The following PRRG1 variants were observed in gnomAD, a reference collection of about 807,000 sequenced individuals.
PRRG1 encodes the protein transmembrane gamma-carboxyglutamic acid protein 1.
Under a neutral mutation model 11.8 loss-of-function variants are expected in PRRG1, and 5 were observed. That is an observed-to-expected ratio of 0.42 (90% confidence interval 0.22 to 0.89). The LOEUF is 0.89. Among genes scored for constraint, PRRG1 ranks in the 40% least tolerant of loss-of-function variants. The pLI, the probability that PRRG1 is intolerant of heterozygous loss-of-function variation, is 0.28. For synonymous variants in PRRG1, 66 were observed against 60.4 expected (o/e 1.09, Z -0.43); for missense variants, 155 against 166.1 (o/e 0.93, Z 0.37).
chrX:37,406,999 G>A (rs1428690685), intron 2 of PRRG1, among the ~76,000 whole-genome samples: 1 of 112,266 alleles, frequency 8.9e-6, no homozygotes, highest in Admixed American at 9.4e-5. Context: ...GAAGTTTGGG[G>A]ATCACTCGAA....
chrX:37,378,323 G>A (rs782436813), intron 1 of PRRG1, among the ~76,000 whole-genome samples: 4 of 111,704 alleles, frequency 3.6e-5, no homozygotes, highest in Non-Finnish European at 7.6e-5. Context: ...TCTATGTTTC[G>A]TTGTATCTGT....
intron 1 of PRRG1, among the ~76,000 whole-genome samples, chrX:37,359,890 A>G (rs1169676601): frequency 8.9e-6 from 1 of 111,952 alleles, no homozygotes; most frequent in Non-Finnish European, 1.9e-5. Context: ...GAATTGGTCC[A>G]TTTCAAGGAA....
intron 2 of PRRG1, among the ~76,000 whole-genome samples, chrX:37,415,298 C>T (rs1932464732): frequency 9.0e-6 from 1 of 111,251 alleles, no homozygotes; most frequent in South Asian, 3.8e-4. Flanking sequence ...GTACCAGCTG[C>T]TCAGGAGGCT....
chrX:37,410,057 A>AT (rs1556383355), intron 2 of PRRG1, among the ~76,000 whole-genome samples: 1 of 111,917 alleles, frequency 8.9e-6, no homozygotes, highest in Non-Finnish European at 1.9e-5. Context: ...TGTATATTTA[A>AT]TTTTTTATTA....
At chrX:37,402,543 T>A (rs1377578690) in intron 1 of PRRG1, among the ~76,000 whole-genome samples, 1 of 111,618 alleles carries the variant, frequency 9.0e-6, no homozygotes, top group Non-Finnish European at 1.9e-5. Context: ...GAAGAAAACC[T>A]AGGCATTACC....
intron 1 of PRRG1, among the ~76,000 whole-genome samples, chrX:37,372,157 A>G (rs1284230442): frequency 2.7e-5 from 3 of 112,149 alleles, no homozygotes; most frequent in Admixed American, 9.4e-5. Flanking sequence ...TACTGTTTTG[A>G]TAAGTGCTGT....
chrX:37,400,824 T>A (rs1931945754), intron 1 of PRRG1, among the ~76,000 whole-genome samples: 1 of 111,492 alleles, frequency 9.0e-6, no homozygotes, highest in African/African-American at 3.3e-5. Flanking sequence ...CCCACAGAAA[T>A]ACAAACTACC....
chrX:37,408,040 C>T (rs1556382518), intron 2 of PRRG1, among the ~76,000 whole-genome samples: 4 of 111,960 alleles, frequency 3.6e-5, no homozygotes, highest in Non-Finnish European at 3.8e-5. Context: ...CTGATGGTTT[C>T]GAAATTTTAA....
intron 3 of PRRG1, among the ~76,000 whole-genome samples, chrX:37,439,989 G>A (rs1932946964): frequency 3.7e-5 from 4 of 108,748 alleles, no homozygotes; most frequent in South Asian, 8.3e-4. Context: ...TGGTAGAGTC[G>A]GGGTTTCACC....
rs568511366 is a variant in PRRG1, at chrX:37,354,452, G to A, written c.-42+5057G>A. ...CTGTCGCCCAGGCTGGAGTGCAGTG[G>A]CATGATCTCGGCTCACTGCAAGCTC... On this transcript the variant is annotated intron_variant, in intron 1 of 3. Coordinates refer to ENST00000378628, the MANE Select transcript of PRRG1 (RefSeq NM_001142395.2). 9.9e-4 allele frequency among the ~76,000 whole-genome samples: 106 copies of A among 107,547 alleles called. 1 individual carries two copies. The South Asian group carries it at 0.043, about 43-fold the overall frequency. 93.4% of individuals were successfully genotyped at this position (107,547 alleles called of 115,157 possible).
intron 1 of PRRG1, among the ~76,000 whole-genome samples, chrX:37,358,170 C>T (rs1556366718): frequency 1.8e-5 from 2 of 110,422 alleles, no homozygotes; most frequent in Admixed American, 1.9e-4. Context: ...TATGTTATGT[C>T]TTCTGCAAAT....
At chrX:37,420,668 C>CAAAAAAAAAAAAAAAAAAAA (rs1302856034) in intron 2 of PRRG1, among the ~76,000 whole-genome samples, 3 of 29,507 alleles carry the variant, frequency 1.0e-4, no homozygotes, top group Admixed American at 4.2e-4. Context: ...CCCGTCTATG[C>CAAAAAAAAAAAAAAAAAAAA]AAAAAAAAAA....
chrX:37,407,549 A>G (rs1156546540), intron 2 of PRRG1, among the ~76,000 whole-genome samples: 2 of 111,819 alleles, frequency 1.8e-5, no homozygotes, highest in Non-Finnish European at 3.8e-5. Flanking sequence ...CCTTGATCAA[A>G]TCCTAGAACC....
At chrX:37,377,777 C>T (rs1013362792) in intron 1 of PRRG1, among the ~76,000 whole-genome samples, 20 of 111,603 alleles carry the variant, frequency 1.8e-4, no homozygotes, top group African/African-American at 6.5e-4. Flanking sequence ...TATTCAGTAT[C>T]ATAATTTAGA....
At chrX:37,419,598 G>A (rs1324037143) in intron 2 of PRRG1, among the ~76,000 whole-genome samples, 2 of 111,553 alleles carry the variant, frequency 1.8e-5, no homozygotes, top group Non-Finnish European at 3.8e-5. Context: ...GGTACAGCAG[G>A]AGAGAGATCA....
At chrX:37,431,446 A>G (rs1233876769) in intron 3 of PRRG1, among the ~76,000 whole-genome samples, 2 of 112,209 alleles carry the variant, frequency 1.8e-5, no homozygotes, top group African/African-American at 6.5e-5. Context: ...TTCTGCTAGG[A>G]GTGTAGTGAT....
At chrX:37,442,350 G>A (rs1932998608) in intron 3 of PRRG1, 1 of 435,706 alleles carries the variant, frequency 2.3e-6, no homozygotes, top group Non-Finnish European at 2.9e-6. Context: ...TCTGCATGCA[G>A]CTCAGGATCT....
chrX:37,413,787 A>G (rs1569445021), intron 2 of PRRG1, among the ~76,000 whole-genome samples: 1 of 111,920 alleles, frequency 8.9e-6, no homozygotes. Flanking sequence ...GACCACATAT[A>G]TGAAGGTGGT....
intron 1 of PRRG1, among the ~76,000 whole-genome samples, chrX:37,357,591 A>G (rs1408781126): frequency 8.9e-6 from 1 of 111,972 alleles, no homozygotes; most frequent in African/African-American, 3.2e-5. Context: ...AAATCTCGCA[A>G]CATCCTACCA....
Sources: gnomAD v4.1 joint callset for allele counts (sites outside exome capture counted in the v4.1 genomes callset) on GRCh38, gnomAD v4.1.1 for gene constraint, MANE v1.5 for transcripts, NCBI Gene and HGNC (gene_info 2026-07-23, HGNC 2026-07-21) for gene names.